Variants in LRP6 observed in about 807,000 individuals in gnomAD.
LRP6 encodes the protein low-density lipoprotein receptor-related protein 6.
In LRP6, 43 loss-of-function variants were observed where a neutral mutation model predicts 184.1. That is an observed-to-expected ratio of 0.23 (90% CI 0.18 to 0.30). The LOEUF (loss-of-function observed/expected upper bound fraction) is 0.30. Ranked by LOEUF, LRP6 falls within the 10% of genes least tolerant of loss-of-function variation. The pLI is 1.00. For missense variants in LRP6, 1,571 were observed against 2,005.3 expected, an observed-to-expected ratio of 0.78 and a Z score of 4.14; for synonymous variants, 719 against 684.9, an observed-to-expected ratio of 1.05 and a Z score of -0.78.
intron 12 of LRP6, among the ~76,000 whole-genome samples, chr12:12,157,539 G>T (rs1255894862): frequency 6.6e-6 from 1 of 152,030 alleles, no homozygotes; most frequent in Admixed American, 6.5e-5. Flanking sequence ...AAGCAAAAAA[G>T]CTAATGTGTG....
intron 3 of LRP6, among the ~76,000 whole-genome samples, chr12:12,190,298 C>G (rs979210290): frequency 6.6e-6 from 1 of 152,178 alleles, no homozygotes; most frequent in African/African-American, 2.4e-5. Flanking sequence ...TTGATCATGG[C>G]TGCTAAGAAC....
intron 2 of LRP6, among the ~76,000 whole-genome samples, chr12:12,213,456 C>G (rs1191372848): frequency 6.6e-6 from 1 of 151,832 alleles, no homozygotes; most frequent in Non-Finnish European, 1.5e-5. Flanking sequence ...AAGGCTAACT[C>G]TATTATTAAT....
intron 7 of LRP6, among the ~76,000 whole-genome samples, 191 bp from the exon 8 acceptor site, chr12:12,165,486 C>G (rs1435957580): frequency 6.6e-6 from 1 of 152,112 alleles, no homozygotes; most frequent in Non-Finnish European, 1.5e-5. Flanking sequence ...CTCTATTTGA[C>G]CACTTTTCCC....
At chr12:12,205,535 TGAG>T (rs560679493) in intron 2 of LRP6, among the ~76,000 whole-genome samples, 37 of 152,182 alleles carry the variant, frequency 2.4e-4, no homozygotes, top group Middle Eastern at 3.4e-3. Flanking sequence ...AAAGAAATGA[TGAG>T]GAGAATATCA....
intron 9 of LRP6, 42 bp downstream of exon 9, chr12:12,164,231 C>T (rs897495528): frequency 1.9e-6 from 3 of 1,571,952 alleles, no homozygotes; most frequent in Admixed American, 3.3e-5. Context: ...AGAAGTTCTC[C>T]CTTTTAGTCC....
chr12:12,196,072 A>G (rs1863749993), intron 3 of LRP6, among the ~76,000 whole-genome samples: 1 of 152,146 alleles, frequency 6.6e-6, no homozygotes, highest in Non-Finnish European at 1.5e-5. Context: ...TGCCAGTACC[A>G]TGCTGTTTTG....
intron 17 of LRP6, among the ~76,000 whole-genome samples, chr12:12,133,150 CAGT>C (rs1453044053): frequency 2.6e-5 from 4 of 152,122 alleles, no homozygotes; most frequent in Non-Finnish European, 2.9e-5. Context: ...GTCCTTAAAG[CAGT>C]TTGAATTTGG....
At chr12:12,249,559 T>C in intron 1 of LRP6, 1 of 493,944 alleles carries the variant, frequency 2.0e-6, no homozygotes, top group Non-Finnish European at 3.6e-6. Context: ...TCTAGATATG[T>C]CTTGTAGACC....
intron 2 of LRP6, among the ~76,000 whole-genome samples, chr12:12,236,039 CA>C (rs1235373369): frequency 6.6e-6 from 1 of 152,034 alleles, no homozygotes; most frequent in African/African-American, 2.4e-5. Flanking sequence ...TCCGGGCTAA[CA>C]GGTGTGAAAC....
At chr12:12,144,065 C>T (rs2136901041) in intron 15 of LRP6, among the ~76,000 whole-genome samples, 1 of 152,264 alleles carries the variant, frequency 6.6e-6, no homozygotes, top group Middle Eastern at 3.4e-3. Context: ...AAATTAGGAC[C>T]TTTCTTTTCA....
rs1379761183 is a variant in LRP6 at position 12,266,926 on chromosome 12, G to A, written c.-191C>T. On this transcript the variant is annotated 5_prime_UTR_variant, in exon 1 of 23. Coordinates refer to ENST00000261349, the MANE Select transcript of LRP6 (RefSeq NM_002336.3). ...GCCGCCCTCTCTACCGCGCCGCTCGGCCCCGGGCTCGCGCGACGCCAGCGT... is the reference window on the plus strand; with the variant it reads ...GCCGCCCTCTCTACCGCGCCGCTCGACCCCGGGCTCGCGCGACGCCAGCGT... 3 of 595,084 alleles carry A rather than the reference G, an allele frequency of 5.0e-6. No individual in the cohort carries two copies. Among genetic ancestry groups the A allele is most frequent in the Non-Finnish European group, 8.9e-6 (3 of 338,006 alleles). 36.9% of individuals were successfully genotyped at this position (595,084 alleles called of 1,614,324 possible). A position where few individuals can be genotyped will look rare whatever the true frequency, so the allele number is the denominator to read the frequency against.
At chr12:12,240,306 G>A (rs1865030681) in intron 2 of LRP6, among the ~76,000 whole-genome samples, 1 of 152,182 alleles carries the variant, frequency 6.6e-6, no homozygotes, top group Admixed American at 6.5e-5. Context: ...GGGCACAGTG[G>A]CTCACGCCTG....
chr12:12,244,114 C>A, intron 2 of LRP6, 148 bp downstream of exon 2: 2 of 789,494 alleles, frequency 2.5e-6, no homozygotes, highest in Non-Finnish European at 4.2e-6. Context: ...TAACTTTCCA[C>A]ATTCAAGTCT....
At chr12:12,233,630 A>C (rs1470498630) in intron 2 of LRP6, among the ~76,000 whole-genome samples, 1 of 152,158 alleles carries the variant, frequency 6.6e-6, no homozygotes, top group African/African-American at 2.4e-5. Flanking sequence ...TTGTAAACCA[A>C]ATGTTTGGAC....
At chr12:12,148,797 G>C (rs1950043192) in intron 14 of LRP6, 145 bp downstream of exon 14, 1 of 740,498 alleles carries the variant, frequency 1.4e-6, no homozygotes, top group Non-Finnish European at 2.4e-6. Context: ...CAACTGTTAA[G>C]ATAATGCAGA....
Position 12,120,043 on chromosome 12 carries a change from A to ATATG in LRP6, c.*1082_*1083insCATA, listed in dbSNP as rs1949584051. 1 of 114,054 alleles carries ATATG rather than the reference A, an allele frequency of 8.8e-6. No homozygotes were observed. The highest frequency in any genetic ancestry group is 3.3e-5 in the African/African-American group (1 of 29,898). The allele number at this position is 114,054 out of a possible 1,614,324, so 7.1% of individuals were successfully genotyped here. On this transcript the variant is annotated 3_prime_UTR_variant, in exon 23 of 23. Transcript: ENST00000261349. ...TATATATATATATATATATATATATAAATGATTTCGTACTGTGATATATGC... is the reference window on the plus strand; with the variant it reads ...TATATATATATATATATATATATATATATGAATGATTTCGTACTGTGATATATGC...
chr12:12,232,009 AC>A (rs1248560218), intron 2 of LRP6, among the ~76,000 whole-genome samples: 2 of 149,006 alleles, frequency 1.3e-5, no homozygotes, highest in Admixed American at 6.7e-5. Flanking sequence ...AAAAAAAAAA[AC>A]AAAAACAAAA....
intron 2 of LRP6, among the ~76,000 whole-genome samples, chr12:12,223,047 T>C (rs115325403): frequency 6.6e-6 from 1 of 152,030 alleles, no homozygotes; most frequent in Non-Finnish European, 1.5e-5. Context: ...ATATTTTAAA[T>C]CATCCTCCCA....
intron 1 of LRP6, among the ~76,000 whole-genome samples, chr12:12,253,508 T>C (rs991497240): frequency 4.6e-5 from 7 of 151,998 alleles, no homozygotes; most frequent in African/African-American, 1.7e-4. Context: ...ATGTGCCATG[T>C]TGGTGTGCTG....
Sources: gnomAD v4.1 joint callset for allele counts (sites outside exome capture counted in the v4.1 genomes callset) on GRCh38, gnomAD v4.1.1 for gene constraint, MANE v1.5 for transcripts, NCBI Gene and HGNC (gene_info 2026-07-23, HGNC 2026-07-21) for gene names.